The following SPIRE2 variants were observed in gnomAD, a reference collection of about 807,000 sequenced individuals.
SPIRE2 encodes the protein spire type actin nucleation factor 2, also known as protein spire homolog 2.
Under a neutral mutation model 80.7 loss-of-function variants are expected in SPIRE2, and 76 were observed. The observed-to-expected ratio is 0.94, with a 90% CI of 0.78 to 1.14. SPIRE2 has a LOEUF of 1.14. Among genes scored for constraint, SPIRE2 ranks in the 50% most tolerant of loss-of-function variants. The pLI, the probability that SPIRE2 is intolerant of heterozygous loss-of-function variation, is 0.00. For synonymous variants in SPIRE2, 535 were observed against 432.6 expected, an observed-to-expected ratio of 1.24 and a Z score of -2.94; for missense variants, 1,196 against 1,015.3, an observed-to-expected ratio of 1.18 and a Z score of -2.42.
At chr16:89,856,298 C>T (rs890017433) in intron 7 of SPIRE2, 62 bp downstream of exon 7, 9 of 1,515,632 alleles carry the variant, frequency 5.9e-6, no homozygotes, top group Non-Finnish European at 4.4e-6. Context: ...CCCCCATTCC[C>T]CTGGTCAGGT....
intron 1 of SPIRE2, among the ~76,000 whole-genome samples, chr16:89,829,005 C>G (rs950015463): frequency 6.6e-6 from 1 of 152,234 alleles, no homozygotes; most frequent in African/African-American, 2.4e-5. Context: ...TCCTCTCCCT[C>G]CCCGGCCCTG....
Position 89,832,891 on chromosome 16 carries a change from G to A in SPIRE2, c.244+4097G>A, listed in dbSNP as rs1014581526. Among the ~76,000 whole-genome samples the A allele has an allele frequency of 1.5e-4, 23 of 151,732 alleles. 1 individual carries two copies. Among genetic ancestry groups the A allele is most frequent in the South Asian group, 6.2e-4 (3 of 4,808 alleles). On this transcript the variant is annotated intron_variant, in intron 1 of 14. Coordinates refer to ENST00000378247, the MANE Select transcript of SPIRE2 (RefSeq NM_032451.2). ...GGCTGGAGTGCAATGGCATGATCTC[G>A]GCTCACTGCAACCTTAGCCTCCTGA...
At chr16:89,832,908 G>A (rs1173390137) in intron 1 of SPIRE2, among the ~76,000 whole-genome samples, 1 of 151,834 alleles carries the variant, frequency 6.6e-6, no homozygotes, top group African/African-American at 2.4e-5. Context: ...TGCAACCTTA[G>A]CCTCCTGAGT....
intron 1 of SPIRE2, among the ~76,000 whole-genome samples, chr16:89,840,513 T>C (rs1056046801): frequency 6.6e-6 from 1 of 151,218 alleles, no homozygotes; most frequent in Non-Finnish European, 1.5e-5. Flanking sequence ...CCTCCCAAAG[T>C]GCTGGATTAC....
At chr16:89,841,425 C>A (rs2041504321) in intron 1 of SPIRE2, among the ~76,000 whole-genome samples, 1 of 152,104 alleles carries the variant, frequency 6.6e-6, no homozygotes, top group African/African-American at 2.4e-5. Flanking sequence ...GTTTGCATAA[C>A]CCCATGTGGC....
At chr16:89,869,525 T>G (rs751605536) in intron 13 of SPIRE2, 42 bp from the exon 14 acceptor site, 3 of 1,387,008 alleles carry the variant, frequency 2.2e-6, no homozygotes, top group Admixed American at 1.7e-5. Context: ...CCTGAATGTC[T>G]CTGGTGGTGC....
chr16:89,842,808 T>C (rs2143793172), intron 1 of SPIRE2, among the ~76,000 whole-genome samples: 1 of 152,338 alleles, frequency 6.6e-6, no homozygotes, highest in South Asian at 2.1e-4. Flanking sequence ...GGGCCAGGAC[T>C]GCCCAGGCCC....
intron 7 of SPIRE2, among the ~76,000 whole-genome samples, chr16:89,857,975 T>C (rs1239286728): frequency 6.7e-6 from 1 of 148,298 alleles, no homozygotes; most frequent in Non-Finnish European, 1.5e-5. Context: ...CTCTACCTCC[T>C]GGGTTCACGC....
intron 1 of SPIRE2, among the ~76,000 whole-genome samples, chr16:89,839,724 T>G (rs1747575994): frequency 6.6e-6 from 1 of 152,152 alleles, no homozygotes; most frequent in Admixed American, 6.5e-5. Context: ...TCAAGATGTG[T>G]GAGGTCTTCC....
chr16:89,831,497 A>C (rs1456642131), intron 1 of SPIRE2, among the ~76,000 whole-genome samples: 2 of 146,020 alleles, frequency 1.4e-5, no homozygotes, highest in Non-Finnish European at 3.0e-5. Context: ...TACTGGGTTC[A>C]CGCCATTCTC....
intron 1 of SPIRE2, among the ~76,000 whole-genome samples, chr16:89,834,377 C>G (rs905576812): frequency 1.9e-5 from 2 of 105,692 alleles, no homozygotes; most frequent in East Asian, 2.7e-4. Context: ...TCGTAGAAGC[C>G]TGGATAAGCA....
chr16:89,836,336 T>G, intron 1 of SPIRE2: 1 of 434,926 alleles, frequency 2.3e-6, no homozygotes, highest in Non-Finnish European at 4.7e-6. Context: ...CACAGACAGC[T>G]TTAGGGGCCG....
chr16:89,847,481 C>A (rs1389081097), intron 2 of SPIRE2, among the ~76,000 whole-genome samples: 1 of 152,224 alleles, frequency 6.6e-6, no homozygotes, highest in Non-Finnish European at 1.5e-5. Context: ...CCAAAGGGGG[C>A]CTGCCGTGGT....
chr16:89,842,067 T>G (rs761684412), intron 1 of SPIRE2, among the ~76,000 whole-genome samples: 1 of 151,398 alleles, frequency 6.6e-6, no homozygotes. Context: ...AACATCTGAG[T>G]TTTATAACAT....
intron 1 of SPIRE2, among the ~76,000 whole-genome samples, chr16:89,838,045 C>G (rs2041467534): frequency 6.6e-6 from 1 of 151,998 alleles, no homozygotes; most frequent in Non-Finnish European, 1.5e-5. Context: ...AAGTCTTGCT[C>G]TGTCACCCAG....
intron 2 of SPIRE2, 27 bp downstream of exon 2, chr16:89,845,392 A>G: frequency 6.3e-7 from 1 of 1,589,332 alleles, no homozygotes; most frequent in Non-Finnish European, 8.6e-7. Context: ...TCCAAGTATT[A>G]CTTGATGTGT....
At chr16:89,862,981 C>T (rs2041757607) in intron 10 of SPIRE2, 1 of 165,334 alleles carries the variant, frequency 6.0e-6, no homozygotes, top group African/African-American at 2.4e-5. Context: ...GAAGCAAAAA[C>T]AGGACACACT....
rs1406499353 is a variant in SPIRE2 at position 89,858,357 on chromosome 16, C to T, written c.1122C>T (p.Cys374=). The change falls in exon 8 of 15, where the codon TGC becomes TGT. Residue 374 remains cysteine, a synonymous_variant. Coordinates refer to ENST00000378247, the MANE Select transcript of SPIRE2 (RefSeq NM_032451.2). The part of the protein sequence containing the change: ...WAARGFGSLP[C]ILNACSGDAK... ...CCCCAGGGTTTGGCTCTCTGCCCTG[C>T]ATCCTCAACGCCTGCTCCGGAGATG... 4 of 1,606,926 alleles carry T rather than the reference C, an allele frequency of 2.5e-6. No homozygotes were observed. The highest frequency in any genetic ancestry group is 2.2e-5 in the South Asian group (2 of 89,508).
At position 89,828,736 on chromosome 16, in the gene SPIRE2, C is replaced by G. The variant is rs1218074634; in HGVS notation, c.186C>G (p.Thr62=). ...RGSPGRRLRD[T]GDLLLRGDGS... ...CGCCGGGCCGGCGCCTGCGGGATAC[C>G]GGGGACCTCCTGCTGCGCGGGGACG... is the stretch of plus-strand genomic sequence containing the variant. The change falls in exon 1 of 15, where the codon ACC becomes ACG. Residue 62 remains threonine (T), a synonymous_variant. Transcript: ENST00000378247. This position sits in a 1 kb window ranked among gnomAD's most constrained non-coding sequence, Gnocchi z 5.9. 38 of 1,233,880 alleles carry G rather than the reference C, an allele frequency of 3.1e-5. No homozygotes were observed. The highest frequency in any genetic ancestry group is 3.7e-5 in the Non-Finnish European group (36 of 985,852). The allele number at this position is 1,233,880 out of a possible 1,614,324, so 76.4% of individuals were successfully genotyped here.
Sources: allele counts gnomAD v4.1 joint callset (sites outside exome capture counted in the v4.1 genomes callset), GRCh38; gene constraint gnomAD v4.1.1; non-coding constraint Gnocchi (gnomAD v3.1); transcripts MANE v1.5; gene names NCBI Gene and HGNC (gene_info 2026-07-23, HGNC 2026-07-21).